The following DYM variants were observed in gnomAD, a reference collection of about 807,000 sequenced individuals.
The protein encoded by DYM is dyggve-Melchior-Clausen syndrome protein.
DYM carries 78 observed loss-of-function variants against 93.1 expected under a neutral mutation model. The ratio of observed to expected loss-of-function variants is 0.84; its 90% CI spans 0.70 to 1.01. The LOEUF (loss-of-function observed/expected upper bound fraction) is 1.01, where lower values mean the gene tolerates loss of function less well. Ranked by LOEUF, DYM falls within the 50% of genes least tolerant of loss-of-function variation. The probability of loss-of-function intolerance (pLI) is 0.00; values close to 1 mark genes in which losing one functional copy is unlikely to be tolerated. For missense variants in DYM, 789 were observed against 845.0 expected, an observed-to-expected ratio of 0.93 and a Z score of 0.82; for synonymous variants, 321 against 319.7, an observed-to-expected ratio of 1.00 and a Z score of -0.04.
intron 6 of DYM, 117 bp from the exon 7 acceptor site, chr18:49,333,970 T>C: frequency 8.7e-7 from 1 of 1,145,008 alleles, no homozygotes; most frequent in Non-Finnish European, 1.2e-6. Flanking sequence ...TTCAGGTTAC[T>C]GAAAAATGTT....
Position 49,258,390 on chromosome 18 carries a change from G to A in DYM, c.1355C>T (p.Thr452Ile), listed in dbSNP as rs1479072607. The A allele has an allele frequency of 6.2e-7, 1 of 1,602,746 alleles. No individual in the cohort carries two copies. Among genetic ancestry groups the A allele is most frequent in the Non-Finnish European group, 8.5e-7 (1 of 1,169,704 alleles). The change falls in exon 12 of 18, where the codon ACT becomes ATT. Residue 452 changes from threonine to isoleucine, a missense_variant. Thr to Ile is a moderately conservative substitution (Grantham distance 89). Around this residue, in one of 3 missense-constraint regions of DYM, gnomAD observed 225 missense variants for 303.0 expected, o/e 0.74. Coordinates refer to ENST00000675505, the MANE Select transcript of DYM (RefSeq NM_001353214.3). The part of the protein sequence containing the change: ...VVIRTIQYNM[T>I]RTRDKYLHTN... The stretch of plus-strand genomic sequence containing the variant: ...AGCTGGAATACTTACTCGTGTCCTA[G>A]TCATGTTGTATTGAATGGTTCTTAT...
chr18:49,216,919 G>C (rs1485009656), intron 13 of DYM, among the ~76,000 whole-genome samples: 1 of 152,242 alleles, frequency 6.6e-6, no homozygotes, highest in Non-Finnish European at 1.5e-5. Flanking sequence ...ACTTTGACGA[G>C]TGGAGAGAAG....
chr18:49,396,209 C>A (rs1422474405), intron 2 of DYM, among the ~76,000 whole-genome samples: 2 of 152,148 alleles, frequency 1.3e-5, no homozygotes, highest in Non-Finnish European at 2.9e-5. Flanking sequence ...TCAGGTATTT[C>A]TTTATAGCAA....
At position 49,069,845 on chromosome 18, in the gene DYM, G is replaced by A. The variant is rs1034928913; in HGVS notation, c.2026-25641C>T. ...ATCATGAGGTCAGGAGTTTGAGACC[G>A]GCCTGACCAACATGGTGAAACCCCA... On this transcript the variant is annotated intron_variant, in intron 17 of 17. Coordinates refer to ENST00000675505, the MANE Select transcript of DYM (RefSeq NM_001353214.3). Among the ~76,000 whole-genome samples the A allele has an allele frequency of 3.9e-5, 6 of 152,158 alleles. No individual in the cohort carries two copies. The East Asian group carries it at 7.8e-4, about 20-fold the overall frequency.
At chr18:49,282,250 T>C (rs2145750127) in intron 9 of DYM, 75 bp from the exon 10 acceptor site, 1 of 1,287,694 alleles carries the variant, frequency 7.8e-7, no homozygotes, top group Non-Finnish European at 1.1e-6. Flanking sequence ...TAAAGTAATG[T>C]GTACAACTCA....
At chr18:49,417,742 T>A (rs1475995093) in intron 2 of DYM, among the ~76,000 whole-genome samples, 1 of 152,220 alleles carries the variant, frequency 6.6e-6, no homozygotes, top group East Asian at 1.9e-4. Flanking sequence ...ACACCCTTTA[T>A]CATATTTCAC....
intron 17 of DYM, among the ~76,000 whole-genome samples, chr18:49,056,530 C>T (rs960703759): frequency 3.9e-5 from 6 of 152,048 alleles, no homozygotes; most frequent in Non-Finnish European, 7.4e-5. Context: ...ATGATTCCTG[C>T]TTTATTTATT....
At chr18:49,154,548 C>A (rs1466403972) in intron 15 of DYM, among the ~76,000 whole-genome samples, 1 of 151,994 alleles carries the variant, frequency 6.6e-6, no homozygotes, top group East Asian at 1.9e-4. Flanking sequence ...TCGTGTGCCA[C>A]CATGCTCAGC....
chr18:49,237,389 T>C (rs2093903209), intron 13 of DYM, among the ~76,000 whole-genome samples: 1 of 152,226 alleles, frequency 6.6e-6, no homozygotes, highest in Non-Finnish European at 1.5e-5. Flanking sequence ...GATTATATTA[T>C]GGAAAATGCC....
At chr18:49,116,224 A>G (rs1165857569) in intron 16 of DYM, 1 of 152,212 alleles carries the variant, frequency 6.6e-6, no homozygotes, top group Non-Finnish European at 1.5e-5. Context: ...ATTTTATCAC[A>G]TCATCATTTT....
intron 7 of DYM, 65 bp from the exon 8 acceptor site, chr18:49,332,071 T>C (rs2063346086): frequency 3.3e-6 from 5 of 1,496,302 alleles, no homozygotes; most frequent in South Asian, 2.3e-5. Flanking sequence ...TGAATAACAA[T>C]ACAGAAATAA....
chr18:49,161,912 C>G (rs1199749596), intron 15 of DYM, among the ~76,000 whole-genome samples: 2 of 152,114 alleles, frequency 1.3e-5, no homozygotes, highest in Non-Finnish European at 2.9e-5. Flanking sequence ...AACTCTACAG[C>G]TGTCTGGTAT....
chr18:49,047,436 T>G (rs2071743688), intron 17 of DYM, among the ~76,000 whole-genome samples: 1 of 152,234 alleles, frequency 6.6e-6, no homozygotes, highest in African/African-American at 2.4e-5. Flanking sequence ...CTGACAAAGT[T>G]TGATCAGCTC....
intron 16 of DYM, among the ~76,000 whole-genome samples, chr18:49,117,468 T>C (rs1411268693): frequency 6.6e-6 from 1 of 152,194 alleles, no homozygotes; most frequent in Admixed American, 6.5e-5. Flanking sequence ...TTCATATCTT[T>C]ATTAGCCATT....
chr18:49,169,672 T>G (rs1422269462), intron 14 of DYM, among the ~76,000 whole-genome samples: 2 of 152,136 alleles, frequency 1.3e-5, no homozygotes, highest in African/African-American at 4.8e-5. Context: ...CTCCTCCCTA[T>G]GCCCTGCCAT....
At chr18:49,225,962 T>A (rs902474274) in intron 13 of DYM, among the ~76,000 whole-genome samples, 1 of 152,130 alleles carries the variant, frequency 6.6e-6, no homozygotes, top group Non-Finnish European at 1.5e-5. Context: ...GGAAAAATCA[T>A]ATTATCTCTT....
chr18:49,436,250 A>G (rs936396454), intron 1 of DYM, among the ~76,000 whole-genome samples: 5 of 152,198 alleles, frequency 3.3e-5, no homozygotes, highest in Non-Finnish European at 5.9e-5. Flanking sequence ...TCCTGGCCTC[A>G]AGAGACCCTC....
intron 16 of DYM, among the ~76,000 whole-genome samples, chr18:49,108,948 A>G (rs1256399836): frequency 6.6e-6 from 1 of 151,982 alleles, no homozygotes; most frequent in Non-Finnish European, 1.5e-5. Context: ...CTTTATCATT[A>G]CATGGAGTCC....
intron 2 of DYM, among the ~76,000 whole-genome samples, chr18:49,405,711 A>G (rs1253594750): frequency 6.6e-6 from 1 of 152,086 alleles, no homozygotes; most frequent in Non-Finnish European, 1.5e-5. Flanking sequence ...TGGCTATTCA[A>G]GCTCTTTTTT....
Sources: allele counts gnomAD v4.1 joint callset (sites outside exome capture counted in the v4.1 genomes callset), GRCh38; gene constraint gnomAD v4.1.1; regional missense constraint gnomAD v4.1.1; transcripts MANE v1.5; gene names NCBI Gene and HGNC (gene_info 2026-07-23, HGNC 2026-07-21).